Variants in PCM1 observed in about 807,000 individuals in gnomAD.
The protein encoded by PCM1 is pericentriolar material 1 protein.
Under a neutral mutation model 241.9 loss-of-function variants are expected in PCM1, and 157 were observed. The observed-to-expected ratio is 0.65, with a 90% CI of 0.57 to 0.74. The LOEUF (loss-of-function observed/expected upper bound fraction) is 0.74, where lower values mean the gene tolerates loss of function less well. Among genes scored for constraint, PCM1 ranks in the 30% least tolerant of loss-of-function variants. The pLI is 0.00. For synonymous variants in PCM1, 1,085 were observed against 784.9 expected (o/e 1.38, Z -6.39); for missense variants, 3,478 against 2,360.1 (o/e 1.47, Z -9.81).
rs549683541 is a variant in PCM1 at position 17,951,074 on chromosome 8, C to T, written c.1071+350C>T. 2.0e-5 allele frequency among the ~76,000 whole-genome samples: 3 copies of T among 152,276 alleles called. No homozygotes were observed. In the East Asian group the frequency reaches 5.8e-4, roughly 29 times the overall value. On this transcript the variant is annotated intron_variant, in intron 8 of 38. Transcript: ENST00000325083. ...AATGGTCACAACGATTAAGACTTTG[C>T]TTTAAATCTGTGTCCTTCGACTAGA...
intron 36 of PCM1, among the ~76,000 whole-genome samples, chr8:18,018,801 T>A (rs2093464757): frequency 6.9e-6 from 1 of 145,094 alleles, no homozygotes. Flanking sequence ...CAGAGCCAGA[T>A]TCCGTCTCAA....
At chr8:17,937,995 C>T (rs184306646) in intron 4 of PCM1, among the ~76,000 whole-genome samples, 1 of 152,208 alleles carries the variant, frequency 6.6e-6, no homozygotes, top group African/African-American at 2.4e-5. Context: ...ATATCAGGCA[C>T]TGAGCTGAAT....
At position 17,928,140 on chromosome 8, in the gene PCM1, T is replaced by C. The variant is rs536304805; in HGVS notation, c.-23+3360T>C. On this transcript the variant is annotated intron_variant, in intron 2 of 38. Transcript: ENST00000325083. ...AATTGTTTTCCTACAGTTTCAACTT[T>C]CTTATCTTACTGTCTTTCTGTTTAA... Among the ~76,000 whole-genome samples the C allele has an allele frequency of 3.3e-5, 5 of 152,336 alleles. No individual in the cohort carries two copies. In the East Asian group the frequency reaches 9.6e-4, roughly 29 times the overall value.
intron 24 of PCM1, among the ~76,000 whole-genome samples, chr8:17,982,802 A>T (rs772378925): frequency 6.6e-6 from 1 of 151,958 alleles, no homozygotes; most frequent in Non-Finnish European, 1.5e-5. Context: ...CCCTGAAAAG[A>T]TTTATTTTTA....
In PCM1 at chr8:17,957,526, C is replaced by T. The variant is rs758055039; in HGVS notation, c.1805-14C>T. ...TTAAAAGTTACTGGTTTTAATTATA[C>T]ATGTTTTCAGCAGATTGTCGATATA... On this transcript the variant is annotated splice_polypyrimidine_tract_variant and intron_variant, in intron 12 of 38. Coordinates refer to ENST00000325083, the MANE Select transcript of PCM1 (RefSeq NM_006197.4). The T allele has an allele frequency of 5.0e-6, 8 of 1,598,668 alleles. No homozygotes were observed. The highest frequency in any genetic ancestry group is 6.0e-6 in the Non-Finnish European group (7 of 1,169,754).
At chr8:18,013,228 G>A (rs961366034) in intron 34 of PCM1, among the ~76,000 whole-genome samples, 3 of 152,110 alleles carry the variant, frequency 2.0e-5, no homozygotes, top group Admixed American at 6.6e-5. Context: ...AGGTCCCACC[G>A]TTATACAGGC....
chr8:17,924,007 G>GT lies in PCM1; in HGVS notation c.-90-699dup, dbSNP rs5889752. On this transcript the variant is annotated intron_variant, in intron 1 of 38. Coordinates refer to ENST00000325083, the MANE Select transcript of PCM1 (RefSeq NM_006197.4). ...GGTTTAATTTTTTTTGTTTTGTTTT[G>GT]TTTTTTTGAGCGAGTTGAGGTCTGT... is the stretch of plus-strand genomic sequence containing the variant. Among the ~76,000 whole-genome samples, 9 of 149,248 alleles carry GT rather than the reference G, an allele frequency of 6.0e-5. No homozygotes were observed. The East Asian group carries it at 9.9e-4, about 16-fold the overall frequency.
chr8:17,928,756 C>G (rs748601470), intron 2 of PCM1, among the ~76,000 whole-genome samples: 8 of 151,688 alleles, frequency 5.3e-5, no homozygotes, highest in South Asian at 2.1e-4. Context: ...CTCAGCCTCT[C>G]TTGTAGCTGG....
rs1244198263 is a variant in PCM1, at chr8:17,978,189, CAG to C, written c.3944-2401_3944-2400del. ...GTTCCAAATTACAGGCCTAGAAAATCAGGGGGAAGAATTATGTCATTAAATGG... is the reference window on the plus strand; with the variant it reads ...GTTCCAAATTACAGGCCTAGAAAATCGGGGAAGAATTATGTCATTAAATGG... On this transcript the variant is annotated intron_variant, in intron 23 of 38. Coordinates refer to ENST00000325083, the MANE Select transcript of PCM1 (RefSeq NM_006197.4). Among the ~76,000 whole-genome samples, 8 of 152,018 alleles carry C rather than the reference CAG, an allele frequency of 5.3e-5. No individual in the cohort carries two copies. In the East Asian group the frequency reaches 5.8e-4, roughly 11 times the overall value.
Position 17,958,616 on chromosome 8 carries a change from G to GA in PCM1, c.2040+846dup, listed in dbSNP as rs1337857843. Among the ~76,000 whole-genome samples the GA allele has an allele frequency of 5.3e-5, 8 of 152,144 alleles. No individual in the cohort carries two copies. In the East Asian group the frequency reaches 1.4e-3, roughly 26 times the overall value. On this transcript the variant is annotated intron_variant, in intron 13 of 38. Coordinates refer to ENST00000325083, the MANE Select transcript of PCM1 (RefSeq NM_006197.4). ...ATCATATAAAATGGTTTTTGTGAGT[G>GA]AAAAACCTCAAGTTTTATTAACAGT...
chr8:17,936,095 A>G (rs2060343179), intron 3 of PCM1, among the ~76,000 whole-genome samples: 1 of 152,190 alleles, frequency 6.6e-6, no homozygotes, highest in Admixed American at 6.5e-5. Context: ...CCTCTGGTCC[A>G]TGTGATATAC....
intron 18 of PCM1, among the ~76,000 whole-genome samples, chr8:17,965,089 A>G (rs1198595377): frequency 1.3e-5 from 2 of 151,682 alleles, no homozygotes; most frequent in African/African-American, 4.9e-5. Flanking sequence ...ACAGGAAAAG[A>G]CTTACTTACG....
chr8:18,006,772 A>G (rs138960665), intron 30 of PCM1, among the ~76,000 whole-genome samples: 5 of 152,234 alleles, frequency 3.3e-5, no homozygotes, highest in African/African-American at 4.8e-5. Flanking sequence ...GAAGCCAGAG[A>G]CCAGCTGGTT....
At chr8:17,924,989 C>T (rs2056353652) in intron 2 of PCM1, 5 of 152,148 alleles carry the variant, frequency 3.3e-5, no homozygotes, top group Admixed American at 3.3e-4. Flanking sequence ...CCCTGTCATT[C>T]CTAATTATTA....
chr8:18,004,649 TAG>T (rs1564320755), intron 29 of PCM1, among the ~76,000 whole-genome samples: 1 of 152,204 alleles, frequency 6.6e-6, no homozygotes, highest in Non-Finnish European at 1.5e-5. Flanking sequence ...TGTAGGACTG[TAG>T]AACTTCTTTG....
Position 17,980,588 on chromosome 8 carries a change from A to C in PCM1, c.3944-3A>C, listed in dbSNP as rs753281744. The C allele has an allele frequency of 1.3e-6, 2 of 1,569,022 alleles. No homozygotes were observed. Among genetic ancestry groups the C allele is most frequent in the Non-Finnish European group, 1.7e-6 (2 of 1,161,374 alleles). ...ATAACAGTTGTCACTTTTTTTACTC[A>C]AGGGTATGAAAGTGCCAGTATGTCT... On this transcript the variant is annotated splice_polypyrimidine_tract_variant and splice_region_variant and intron_variant, in intron 23 of 38. Transcript: ENST00000325083.
At chr8:18,011,635 A>G in intron 33 of PCM1, 32 bp from the exon 34 acceptor site, 3 of 1,566,490 alleles carry the variant, frequency 1.9e-6, no homozygotes, top group Non-Finnish European at 2.6e-6. Context: ...ATGTGCTGAA[A>G]TTTACTAAAA....
At chr8:18,021,161 C>T (rs2093719451) in intron 36 of PCM1, among the ~76,000 whole-genome samples, 1 of 152,188 alleles carries the variant, frequency 6.6e-6, no homozygotes, top group African/African-American at 2.4e-5. Context: ...TTGCAAATTT[C>T]ATGCTCAACA....
At chr8:17,966,932 A>T in intron 20 of PCM1, 48 bp from the exon 21 acceptor site, 1 of 1,476,964 alleles carries the variant, frequency 6.8e-7, no homozygotes, top group Middle Eastern at 1.7e-4. Context: ...TACTTTATAT[A>T]TATGGCAATA....
Sources: gnomAD v4.1 joint callset for allele counts (sites outside exome capture counted in the v4.1 genomes callset) on GRCh38, gnomAD v4.1.1 for gene constraint, MANE v1.5 for transcripts, NCBI Gene and HGNC (gene_info 2026-07-23, HGNC 2026-07-21) for gene names.